Variants in MAN2A1 observed in about 807,000 individuals in gnomAD.
The protein encoded by MAN2A1 is alpha-mannosidase 2.
Under a neutral mutation model 142.6 loss-of-function variants are expected in MAN2A1, and 76 were observed. The observed-to-expected ratio is 0.53, with a 90% CI of 0.44 to 0.65. The LOEUF (loss-of-function observed/expected upper bound fraction) is 0.65, where lower values mean the gene tolerates loss of function less well. MAN2A1 is among the 30% of genes least tolerant of loss of function. MAN2A1 has a pLI of 0.00. For missense variants in MAN2A1, 1,311 were observed against 1,365.1 expected (o/e 0.96, Z 0.62); for synonymous variants, 559 against 473.2 (o/e 1.18, Z -2.35).
In MAN2A1 at chr5:109,767,623, C is replaced by G; in HGVS notation, c.924C>G (p.His308Gln). 1 of 1,613,696 alleles carries G rather than the reference C, an allele frequency of 6.2e-7. No homozygotes were observed. Among genetic ancestry groups the G allele is most frequent in the Non-Finnish European group, 8.5e-7 (1 of 1,179,678 alleles). Residue 308 changes from histidine to glutamine, a missense_variant, in exon 6 of 22, where the codon CAC becomes CAG. His to Gln is a conservative substitution (Grantham distance 24, BLOSUM62 0). Around this residue, in one of 3 missense-constraint regions of MAN2A1, gnomAD observed 409 missense variants for 412.7 expected, o/e 0.99. Transcript: ENST00000261483. ...TTCTAAACCGTGCTGGACTTTCTCA[C>G]ATGCTTATCCAGAGAGTTCATTATG... Reference protein sequence around the residue: ...AYLLNRAGLSHMLIQRVHYAV... With the variant: ...AYLLNRAGLSQMLIQRVHYAV...
At chr5:109,800,136 C>T (rs953173868) in intron 12 of MAN2A1, among the ~76,000 whole-genome samples, 11 of 151,308 alleles carry the variant, frequency 7.3e-5, no homozygotes, top group Non-Finnish European at 1.0e-4. Context: ...TAGATGCACC[C>T]GAATGTGCAC....
At chr5:109,748,723 C>T (rs1366995233) in intron 4 of MAN2A1, among the ~76,000 whole-genome samples, 2 of 151,800 alleles carry the variant, frequency 1.3e-5, no homozygotes, top group Non-Finnish European at 2.9e-5. Flanking sequence ...AGATAGACAG[C>T]ATGGACAGCT....
At chr5:109,751,674 G>A (rs1414458888) in intron 4 of MAN2A1, among the ~76,000 whole-genome samples, 1 of 151,664 alleles carries the variant, frequency 6.6e-6, no homozygotes, top group Non-Finnish European at 1.5e-5. Context: ...TTATTTCTAA[G>A]TCACAGTTAT....
intron 1 of MAN2A1, among the ~76,000 whole-genome samples, chr5:109,707,778 T>C (rs1751177889): frequency 6.6e-6 from 1 of 152,162 alleles, no homozygotes; most frequent in Non-Finnish European, 1.5e-5. Context: ...GAAAGAGATA[T>C]TCAGTCCTTA....
intron 7 of MAN2A1, 27 bp from the exon 8 acceptor site, chr5:109,774,761 G>T (rs375799566): frequency 9.1e-5 from 143 of 1,573,240 alleles, no homozygotes; most frequent in Non-Finnish European, 1.2e-4. Context: ...CATATTTGCT[G>T]TTTTTTTGTG....
At chr5:109,738,616 C>T (rs1358588134) in intron 4 of MAN2A1, among the ~76,000 whole-genome samples, 3 of 152,026 alleles carry the variant, frequency 2.0e-5, no homozygotes, top group Admixed American at 6.6e-5. Context: ...TTCTCTATAC[C>T]TCAGTTTCTT....
chr5:109,842,683 T>C (rs2112757966), intron 17 of MAN2A1, among the ~76,000 whole-genome samples: 1 of 152,198 alleles, frequency 6.6e-6, no homozygotes, highest in East Asian at 1.9e-4. Flanking sequence ...AGGATTTATT[T>C]GTTCAAAGGG....
At chr5:109,725,612 A>G (rs2112578331) in intron 3 of MAN2A1, among the ~76,000 whole-genome samples, 1 of 152,296 alleles carries the variant, frequency 6.6e-6, no homozygotes, top group Admixed American at 6.5e-5. Context: ...TCCAATTGAA[A>G]GGGGTGTAGT....
intron 17 of MAN2A1, among the ~76,000 whole-genome samples, chr5:109,845,242 A>G (rs1241052117): frequency 6.6e-6 from 1 of 152,160 alleles, no homozygotes; most frequent in Non-Finnish European, 1.5e-5. Flanking sequence ...GGTTACCGAC[A>G]GTCTTTCTCA....
At chr5:109,860,560 T>G (rs1400667665) in intron 20 of MAN2A1, among the ~76,000 whole-genome samples, 3 of 152,200 alleles carry the variant, frequency 2.0e-5, no homozygotes, top group African/African-American at 7.2e-5. Flanking sequence ...GCCAAAGTTA[T>G]GGCCCCTCTC....
In MAN2A1 at chr5:109,816,954, A is replaced by T. The variant is rs143689783; in HGVS notation, c.1944-319A>T. On this transcript the variant is annotated intron_variant, in intron 12 of 21. Coordinates refer to ENST00000261483, the MANE Select transcript of MAN2A1 (RefSeq NM_002372.4). ...AGAATATTCCTGTTAATTCTTCTCC[A>T]TGAGTTGACTCTATGACTGTCCATG... is the stretch of plus-strand genomic sequence containing the variant. Among the ~76,000 whole-genome samples the T allele has an allele frequency of 1.6e-4, 24 of 152,216 alleles. No individual in the cohort carries two copies. In the East Asian group the frequency reaches 4.6e-3, roughly 29 times the overall value.
At chr5:109,756,814 A>C (rs558192619) in intron 5 of MAN2A1, among the ~76,000 whole-genome samples, 4 of 152,186 alleles carry the variant, frequency 2.6e-5, no homozygotes, top group Admixed American at 6.6e-5. Flanking sequence ...AGAGTGGCTC[A>C]CTGTTTTTAA....
intron 16 of MAN2A1, among the ~76,000 whole-genome samples, chr5:109,826,411 C>T (rs965144758): frequency 1.3e-5 from 2 of 151,994 alleles, no homozygotes; most frequent in African/African-American, 4.8e-5. Context: ...AATCTTTTTT[C>T]ATTCTAGTCC....
At chr5:109,800,653 G>A (rs1561518845) in intron 12 of MAN2A1, among the ~76,000 whole-genome samples, 3 of 152,176 alleles carry the variant, frequency 2.0e-5, no homozygotes, top group South Asian at 2.1e-4. Flanking sequence ...GCCTAAATTA[G>A]CATTTCTTTT....
At chr5:109,798,805 C>T (rs1307430780) in intron 12 of MAN2A1, among the ~76,000 whole-genome samples, 1 of 152,146 alleles carries the variant, frequency 6.6e-6, no homozygotes, top group African/African-American at 2.4e-5. Flanking sequence ...CCTCAGCCTC[C>T]TGAGTAGCTG....
In MAN2A1 at chr5:109,852,264, C is replaced by A. The variant is rs145224710; in HGVS notation, c.2977-2876C>A. 1.7e-3 allele frequency among the ~76,000 whole-genome samples: 264 copies of A among 151,924 alleles called. 1 individual carries two copies. The highest frequency in any genetic ancestry group is 6.1e-3 in the African/African-American group (255 of 41,470). On this transcript the variant is annotated intron_variant, in intron 19 of 21. Coordinates refer to ENST00000261483, the MANE Select transcript of MAN2A1 (RefSeq NM_002372.4). ...AAATGTTATGATTCAATGTATTATT[C>A]TTCATTTTCTCTCCTCCTTCCTCTT...
At chr5:109,798,437 C>G (rs1293618941) in intron 12 of MAN2A1, among the ~76,000 whole-genome samples, 1 of 152,158 alleles carries the variant, frequency 6.6e-6, no homozygotes, top group Non-Finnish European at 1.5e-5. Flanking sequence ...ATTAGCAGCT[C>G]CATTTCACCG....
At chr5:109,697,973 G>A (rs1261895083) in intron 1 of MAN2A1, among the ~76,000 whole-genome samples, 1 of 152,198 alleles carries the variant, frequency 6.6e-6, no homozygotes, top group East Asian at 1.9e-4. Context: ...TGCTTGATGA[G>A]TTTGTTTCTC....
At chr5:109,775,713 T>G (rs921394574) in intron 8 of MAN2A1, among the ~76,000 whole-genome samples, 6 of 152,098 alleles carry the variant, frequency 3.9e-5, no homozygotes, top group African/African-American at 1.4e-4. Flanking sequence ...ATCTCTAAAT[T>G]ATAAAAGTTC....
Sources: gnomAD v4.1 joint callset for allele counts (sites outside exome capture counted in the v4.1 genomes callset) on GRCh38, gnomAD v4.1.1 for gene constraint, gnomAD v4.1.1 regional missense constraint, MANE v1.5 for transcripts, NCBI Gene and HGNC (gene_info 2026-07-23, HGNC 2026-07-21) for gene names.